The following PTPRM variants were observed in gnomAD, a reference collection of about 807,000 sequenced individuals.
The protein encoded by PTPRM is protein tyrosine phosphatase receptor type M.
In PTPRM, 47 loss-of-function variants were observed where a neutral mutation model predicts 186.7. The observed-to-expected ratio is 0.25, with a 90% CI of 0.20 to 0.32. The LOEUF (loss-of-function observed/expected upper bound fraction) is 0.32, where lower values mean the gene tolerates loss of function less well. PTPRM is among the 10% of genes least tolerant of loss of function. The pLI is 1.00. For synonymous variants in PTPRM, 668 were observed against 674.9 expected (o/e 0.99, Z 0.16); for missense variants, 1,494 against 1,865.0 (o/e 0.80, Z 3.66).
At chr18:8,201,841 G>A (rs935111632) in intron 14 of PTPRM, among the ~76,000 whole-genome samples, 1 of 152,018 alleles carries the variant, frequency 6.6e-6, no homozygotes, top group African/African-American at 2.4e-5. Flanking sequence ...AATTTTGGAG[G>A]GGCACAATTC....
chr18:8,108,990 G>T (rs2145648759), intron 11 of PTPRM, among the ~76,000 whole-genome samples: 1 of 152,274 alleles, frequency 6.6e-6, no homozygotes, highest in East Asian at 1.9e-4. Flanking sequence ...AGAAATTTCT[G>T]ATCAGTTTTC....
At chr18:7,808,295 A>AG (rs144663245) in intron 2 of PTPRM, among the ~76,000 whole-genome samples, 128 of 151,918 alleles carry the variant, frequency 8.4e-4, no homozygotes, top group African/African-American at 3.0e-3. Context: ...GAGGTGGCTG[A>AG]GGGCACAGAG....
At chr18:8,004,701 A>T (rs1349723892) in intron 7 of PTPRM, among the ~76,000 whole-genome samples, 1 of 152,100 alleles carries the variant, frequency 6.6e-6, no homozygotes, top group Non-Finnish European at 1.5e-5. Context: ...AAACACAATT[A>T]CTTTTGCACC....
At chr18:8,108,373 G>A (rs2091613834) in intron 11 of PTPRM, among the ~76,000 whole-genome samples, 1 of 151,956 alleles carries the variant, frequency 6.6e-6, no homozygotes, top group Admixed American at 6.6e-5. Flanking sequence ...CTCCTTCTCT[G>A]TTCTCTTCCT....
intron 7 of PTPRM, among the ~76,000 whole-genome samples, chr18:8,005,469 C>G (rs1423665908): frequency 6.6e-6 from 1 of 152,188 alleles, no homozygotes; most frequent in African/African-American, 2.4e-5. Context: ...ACTACTTTTA[C>G]ATAAGTAATC....
chr18:7,722,171 A>T (rs2040458838), intron 1 of PTPRM, among the ~76,000 whole-genome samples: 1 of 152,192 alleles, frequency 6.6e-6, no homozygotes, highest in African/African-American at 2.4e-5. Flanking sequence ...TTGTCCCACT[A>T]ATCTCTGGCA....
intron 5 of PTPRM, among the ~76,000 whole-genome samples, chr18:7,935,217 C>T (rs1197421223): frequency 6.6e-6 from 1 of 152,038 alleles, no homozygotes; most frequent in African/African-American, 2.4e-5. Flanking sequence ...ACTAGAAATG[C>T]ATAAAGGAGG....
rs1356061305 is a variant in PTPRM, at chr18:7,921,274, A to ATTT, written c.548-5289_548-5287dup. Among the ~76,000 whole-genome samples, 6 of 148,632 alleles carry ATTT rather than the reference A, an allele frequency of 4.0e-5. No individual in the cohort carries two copies. In the South Asian group the frequency reaches 1.1e-3, roughly 26 times the overall value. On this transcript the variant is annotated intron_variant, in intron 4 of 32. Coordinates refer to ENST00000580170, the MANE Select transcript of PTPRM (RefSeq NM_001105244.2). Reference sequence around the variant, plus strand: ...TTTGTAGATAATCTTTTTCCTTTTCATTTTTTTCTTTTTGCCTCTCTGGCT... The same window carrying ATTT: ...TTTGTAGATAATCTTTTTCCTTTTCATTTTTTTTTTCTTTTTGCCTCTCTGGCT...
intron 5 of PTPRM, among the ~76,000 whole-genome samples, chr18:7,948,130 T>TACACACACACACACACAC (rs57918724): frequency 7.3e-6 from 1 of 137,816 alleles, no homozygotes; most frequent in East Asian, 2.2e-4. Flanking sequence ...GATTATAAAA[T>TACACACACACACACACAC]ACACACACAC....
At chr18:8,090,154 C>T (rs1279191094) in intron 11 of PTPRM, among the ~76,000 whole-genome samples, 4 of 152,122 alleles carry the variant, frequency 2.6e-5, no homozygotes, top group Non-Finnish European at 4.4e-5. Flanking sequence ...TGCACTAATC[C>T]AATGGACCCA....
intron 21 of PTPRM, among the ~76,000 whole-genome samples, chr18:8,316,459 G>A (rs934298966): frequency 1.3e-5 from 2 of 152,140 alleles, no homozygotes; most frequent in African/African-American, 4.8e-5. Context: ...CATGAGCAAG[G>A]CTATAAAGTA....
intron 2 of PTPRM, among the ~76,000 whole-genome samples, chr18:7,859,699 G>C (rs761896041): frequency 6.6e-6 from 1 of 152,160 alleles, no homozygotes; most frequent in Admixed American, 6.5e-5. Context: ...TTGAGGAGTC[G>C]GTACCCTGTG....
chr18:8,388,714 C>T (rs2095793331), intron 31 of PTPRM, among the ~76,000 whole-genome samples: 1 of 152,168 alleles, frequency 6.6e-6, no homozygotes, highest in Admixed American at 6.5e-5. Flanking sequence ...GTAATCCCAG[C>T]ACTTTGGGAG....
At chr18:7,575,579 A>G (rs575068520) in intron 1 of PTPRM, among the ~76,000 whole-genome samples, 1 of 152,286 alleles carries the variant, frequency 6.6e-6, no homozygotes, top group African/African-American at 2.4e-5. Context: ...CTGCTGTGTC[A>G]TATGTTGCTG....
intron 5 of PTPRM, among the ~76,000 whole-genome samples, chr18:7,944,722 A>T (rs2052403317): frequency 6.6e-6 from 1 of 151,978 alleles, no homozygotes; most frequent in Admixed American, 6.6e-5. Flanking sequence ...TATTTCCCCT[A>T]TAGTTCTGTG....
intron 14 of PTPRM, among the ~76,000 whole-genome samples, chr18:8,219,770 TTTAAG>T (rs1310649610): frequency 5.3e-5 from 8 of 152,172 alleles, no homozygotes; most frequent in African/African-American, 1.9e-4. Flanking sequence ...AAAGGAATGT[TTTAAG>T]TTAAGATAAG....
intron 5 of PTPRM, among the ~76,000 whole-genome samples, chr18:7,936,385 C>A (rs2051810991): frequency 6.6e-6 from 1 of 152,248 alleles, no homozygotes; most frequent in Non-Finnish European, 1.5e-5. Flanking sequence ...TGCCTGGCCT[C>A]TCCCTGTTCC....
rs1284938180 is a variant in PTPRM at position 8,370,948 on chromosome 18, C to T, written c.3113C>T (p.Thr1038Ile). ...GAGATATATAAAGACATTAAAGTTACCCTAATAGAAACAGAACTACTGGCA... is the reference window on the plus strand; with the variant it reads ...GAGATATATAAAGACATTAAAGTTATCCTAATAGAAACAGAACTACTGGCA... Reference protein sequence around the residue: ...DTEIYKDIKVTLIETELLAEY... With the variant: ...DTEIYKDIKVILIETELLAEY... The change falls in exon 24 of 33, where the codon ACC (threonine) becomes ATC (isoleucine). Residue 1038 changes from threonine (T) to isoleucine (I), a missense_variant. By Grantham distance (89) the Thr-to-Ile change is moderately conservative. Coordinates refer to ENST00000580170, the MANE Select transcript of PTPRM (RefSeq NM_001105244.2). 6.2e-7 allele frequency: 1 copy of T among 1,608,916 alleles called. No homozygotes were observed. The highest frequency in any genetic ancestry group is 1.7e-5 in the Admixed American group (1 of 59,698).
chr18:8,102,757 A>G (rs972930746), intron 11 of PTPRM, among the ~76,000 whole-genome samples: 1 of 152,120 alleles, frequency 6.6e-6, no homozygotes. Flanking sequence ...TGAATCACAA[A>G]TGTTCTTAAT....
Sources: gnomAD v4.1 joint callset for allele counts (sites outside exome capture counted in the v4.1 genomes callset) on GRCh38, gnomAD v4.1.1 for gene constraint, MANE v1.5 for transcripts, NCBI Gene and HGNC (gene_info 2026-07-23, HGNC 2026-07-21) for gene names.